NAV1: variants seen among roughly 807,000 people sequenced by gnomAD.
NAV1 encodes the protein pore membrane and/or filament interacting like protein 3.
Under a neutral mutation model 175.2 loss-of-function variants are expected in NAV1, and 18 were observed. The ratio of observed to expected loss-of-function variants is 0.10; its 90% CI spans 0.07 to 0.15. The LOEUF is 0.15. NAV1 is among the 10% of genes least tolerant of loss of function. The pLI is 1.00. For synonymous variants in NAV1, 897 were observed against 978.7 expected, an observed-to-expected ratio of 0.92 and a Z score of 1.56; for missense variants, 1,731 against 2,436.6, an observed-to-expected ratio of 0.71 and a Z score of 6.10.
rs779099620 is a variant in NAV1 at position 201,568,406 on chromosome 1, C to T, written c.-143-20133C>T. On this transcript the variant is annotated intron_variant, in intron 1 of 33. Transcript: ENST00000685211. ...CATTGCCACTGCCATCACCGCTTCC[C>T]GGGGCTGCGTCCTGAATTCTTGTTG... Among the ~76,000 whole-genome samples, 17 of 152,290 alleles carry T rather than the reference C, an allele frequency of 1.1e-4. 2 individuals carry two copies. The highest frequency in any genetic ancestry group is 6.5e-4 in the Admixed American group (10 of 15,308).
At chr1:201,570,672 A>C (rs79063362) in intron 1 of NAV1, among the ~76,000 whole-genome samples, 16,461 of 152,294 alleles carry the variant, frequency 0.11, 1,068 homozygotes, top group Admixed American at 0.14. Flanking sequence ...GACCAGGGCC[A>C]GGGCCAGGGT....
intron 3 of NAV1, among the ~76,000 whole-genome samples, chr1:201,721,417 G>T (rs475210): frequency 0.61 from 92,091 of 152,060 alleles, 27,934 homozygotes; most frequent in South Asian, 0.73. Flanking sequence ...CTCGATTATG[G>T]GTTTTCATGG....
upstream of NAV1, among the ~76,000 whole-genome samples, chr1:201,643,335 CTCT>C (rs1414335106): frequency 3.0e-5 from 4 of 132,024 alleles, no homozygotes; most frequent in East Asian, 2.1e-4. Context: ...TCCCTTCCCT[CTCT>C]TCTTTCTTTC....
At chr1:201,687,601 G>GAA (rs1480595971) in intron 1 of NAV1, among the ~76,000 whole-genome samples, 1 of 151,956 alleles carries the variant, frequency 6.6e-6, no homozygotes, top group African/African-American at 2.4e-5. Context: ...TCTACAGGTG[G>GAA]AAAAAAAATG....
At chr1:201,655,328 A>G (rs1277116875) in intron 1 of NAV1, among the ~76,000 whole-genome samples, 1 of 152,218 alleles carries the variant, frequency 6.6e-6, no homozygotes, top group Non-Finnish European at 1.5e-5. Context: ...AACAAGGGGA[A>G]ATGGACGCCA....
rs16849329 is a variant in NAV1, at chr1:201,780,964, C to A, written c.1366-48C>A. On this transcript the variant is annotated intron_variant, in intron 4 of 29. Coordinates refer to ENST00000367296, the Ensembl canonical transcript of NAV1. Reference sequence around the variant, plus strand: ...ATCAATCCTGTCAGCTATCCAGTCTCCCATCTGCATAGAAGTATCTCACTC... The same window carrying A: ...ATCAATCCTGTCAGCTATCCAGTCTACCATCTGCATAGAAGTATCTCACTC... The A allele has an allele frequency of 1.5e-3, 2,362 of 1,526,674 alleles. 30 individuals carry two copies. In the African/African-American group the frequency reaches 0.027, roughly 18 times the overall value. 94.6% of individuals were successfully genotyped at this position (1,526,674 alleles called of 1,614,324 possible).
chr1:201,790,824 GT>G, intron 13 of NAV1, 58 bp downstream of exon 17: 1 of 1,582,822 alleles, frequency 6.3e-7, no homozygotes, highest in Non-Finnish European at 8.7e-7. Context: ...CGTTAGACAA[GT>G]TCAGCCAAGG....
exon 30 of NAV1, chr1:201,822,528 CAAAGGG>C (rs1679444490): frequency 2.0e-5 from 3 of 152,592 alleles, no homozygotes; most frequent in African/African-American, 7.2e-5. Context: ...CCTCCGACCC[CAAAGGG>C]ATTCTTGGCT....
intron 3 of NAV1, among the ~76,000 whole-genome samples, chr1:201,779,395 C>G (rs1030183324): frequency 6.6e-6 from 1 of 150,384 alleles, no homozygotes; most frequent in African/African-American, 2.5e-5. Context: ...GGTTCAAGAC[C>G]AGCCTGGCCA....
chr1:201,648,344 T>C (rs958581477), exon 1 of NAV1: 26 of 1,170,332 alleles, frequency 2.2e-5, no homozygotes, highest in Non-Finnish European at 2.6e-5. Flanking sequence ...CTTCCATCCT[T>C]CCTTTGACTG....
chr1:201,782,818 C>G lies in NAV1; in HGVS notation c.2306C>G (p.Ala769Gly). The G allele has an allele frequency of 6.2e-7, 1 of 1,605,064 alleles. No individual in the cohort carries two copies. Among genetic ancestry groups the G allele is most frequent in the Non-Finnish European group, 8.5e-7 (1 of 1,174,266 alleles). ...CCAGAAAGTACTCCCAAGAACCAAGCAAGCCACCCCACAGCCACCAAGCTG... is the reference window on the plus strand; with the variant it reads ...CCAGAAAGTACTCCCAAGAACCAAGGAAGCCACCCCACAGCCACCAAGCTG... Residue 769 changes from alanine (A) to glycine (G), a missense_variant, in exon 6 of 30, where the codon GCA becomes GGA. Ala to Gly is a moderately conservative substitution (Grantham distance 60). Coordinates refer to ENST00000367296, the Ensembl canonical transcript of NAV1. The surrounding 1 kb of genome is among the most constrained non-coding windows in gnomAD (Gnocchi z 5.4).
In NAV1 at chr1:201,565,116, G is replaced by A. The variant is rs560145031; in HGVS notation, c.-143-23423G>A. On this transcript the variant is annotated intron_variant, in intron 1 of 33. Coordinates refer to the NAV1 transcript ENST00000685211. ...AAGGGAATGGGCATCTTTGGGGTCC[G>A]TTATTCTGCCTACCACAGAGAACAC... Among the ~76,000 whole-genome samples, 105 of 152,238 alleles carry A rather than the reference G, an allele frequency of 6.9e-4. No individual in the cohort carries two copies. In the Middle Eastern group the frequency reaches 0.014, roughly 20 times the overall value.
chr1:201,746,379 G>A (rs1374360564), intron 3 of NAV1, among the ~76,000 whole-genome samples: 1 of 152,124 alleles, frequency 6.6e-6, no homozygotes, highest in African/African-American at 2.4e-5. Flanking sequence ...CTTCAGATTA[G>A]GTTAAATCAT....
At chr1:201,541,590 G>T (rs573619064) in intron 1 of NAV1, among the ~76,000 whole-genome samples, 1 of 152,276 alleles carries the variant, frequency 6.6e-6, no homozygotes, top group South Asian at 2.1e-4. Context: ...CCTGGACAAC[G>T]TGGTGAAACC....
At chr1:201,780,305 C>A in intron 3 of NAV1, 116 bp from the exon 8 acceptor site, 1 of 1,211,246 alleles carries the variant, frequency 8.3e-7, no homozygotes, top group African/African-American at 1.5e-5. Context: ...CCCAGGTTTT[C>A]TCCTTTTGGC....
At chr1:201,736,747 C>T (rs942960850) in intron 3 of NAV1, among the ~76,000 whole-genome samples, 2 of 152,120 alleles carry the variant, frequency 1.3e-5, no homozygotes, top group Non-Finnish European at 2.9e-5. Context: ...GATCATGGCT[C>T]CTAAGGGCTT....
Position 201,774,723 on chromosome 1 carries a change from C to T in NAV1, c.1227-5698C>T, listed in dbSNP as rs969160106. On this transcript the variant is annotated intron_variant, in intron 3 of 29. Coordinates refer to ENST00000367296, the Ensembl canonical transcript of NAV1. ...GTCACCTCTCTCTACTCAAAGGCTACCCATCAGGATATCTTATCCAAAAGA... is the reference window on the plus strand; with the variant it reads ...GTCACCTCTCTCTACTCAAAGGCTATCCATCAGGATATCTTATCCAAAAGA... 3.6e-4 allele frequency among the ~76,000 whole-genome samples: 55 copies of T among 152,176 alleles called. 1 individual carries two copies. The highest frequency in any genetic ancestry group is 1.3e-3 in the African/African-American group (53 of 41,436).
Position 201,790,674 on chromosome 1 carries a change from C to T in NAV1, c.3244-15C>T. On this transcript the variant is annotated splice_polypyrimidine_tract_variant and intron_variant, in intron 12 of 29. Coordinates refer to ENST00000367296, the Ensembl canonical transcript of NAV1. The stretch of plus-strand genomic sequence containing the variant: ...CTTCTGCAGCCAGTAGTTTGTATTT[C>T]TCTTCCTTTTACAGCAAATCCGGAA... 6.2e-7 allele frequency: 1 copy of T among 1,614,076 alleles called. No homozygotes were observed. The highest frequency in any genetic ancestry group is 8.5e-7 in the Non-Finnish European group (1 of 1,179,996).
intron 13 of NAV1, chr1:201,792,079 T>A (rs918982743): frequency 6.6e-6 from 1 of 151,950 alleles, no homozygotes; most frequent in African/African-American, 2.4e-5. Context: ...AGCCAAGAAA[T>A]TGAATTTAGA....
Sources: gnomAD v4.1 joint callset for allele counts (sites outside exome capture counted in the v4.1 genomes callset) on GRCh38, gnomAD v4.1.1 for gene constraint, Gnocchi (gnomAD v3.1) non-coding constraint, MANE v1.5 for transcripts, NCBI Gene and HGNC (gene_info 2026-07-23, HGNC 2026-07-21) for gene names.